Variants in RYR2 observed in about 807,000 individuals in gnomAD.
RYR2 encodes the protein ryanodine receptor 2.
In RYR2, 227 loss-of-function variants were observed where a neutral mutation model predicts 601.1. The ratio of observed to expected loss-of-function variants is 0.38; its 90% CI spans 0.34 to 0.42. The LOEUF (loss-of-function observed/expected upper bound fraction) is 0.42. Among genes scored for constraint, RYR2 ranks in the 10% least tolerant of loss-of-function variants. RYR2 has a pLI of 1.00. For synonymous variants in RYR2, 2,223 were observed against 2,175.1 expected (o/e 1.02, Z -0.61); for missense variants, 4,646 against 6,156.5 (o/e 0.75, Z 8.21).
In RYR2 at chr1:237,042,616, G is replaced by A. The variant is rs373252941; in HGVS notation, c.48+47G>A. On this transcript the variant is annotated intron_variant, in intron 1 of 104. Coordinates refer to ENST00000366574, the MANE Select transcript of RYR2 (RefSeq NM_001035.3). ...TGCTGTCAGGGGAAGGGGGCGTCAG[G>A]GCATCCACTAGCGGGGTCCGGGCAG... 8.1e-4 allele frequency: 1,008 copies of A among 1,249,790 alleles called. 4 individuals are homozygous for A. The highest frequency in any genetic ancestry group is 8.2e-4 in the Non-Finnish European group (806 of 988,078). 77.4% of individuals were successfully genotyped at this position (1,249,790 alleles called of 1,614,324 possible). A position where few individuals can be genotyped will look rare whatever the true frequency, so the allele number is the denominator to read the frequency against.
At chr1:237,617,801 A>G (rs930287448) in intron 38 of RYR2, among the ~76,000 whole-genome samples, 1 of 152,124 alleles carries the variant, frequency 6.6e-6, no homozygotes, top group Admixed American at 6.5e-5. Context: ...CACTCATAGG[A>G]ATTTTTGATT....
At position 237,657,949 on chromosome 1, in the gene RYR2, C is replaced by T; in HGVS notation, c.8135C>T (p.Thr2712Ile). Residue 2712 changes from threonine (T) to isoleucine (I), a missense_variant, in exon 54 of 105, where the codon ACA becomes ATA. This residue lies in a region of RYR2 where 1,497 missense variants were observed against 1,842.6 expected (regional missense o/e 0.81). Coordinates refer to ENST00000366574, the MANE Select transcript of RYR2 (RefSeq NM_001035.3). ...TGTCTTTACTTTTCTCATAGTATTA[C>T]AATTCCTGAGAAATTGGAATACTTC... ...NPQPVDTSNI[T>I]IPEKLEYFIN... is the part of the protein sequence containing the mutation. The T allele has an allele frequency of 6.7e-7, 1 of 1,496,002 alleles. No homozygotes were observed. The highest frequency in any genetic ancestry group is 9.0e-7 in the Non-Finnish European group (1 of 1,113,306). The allele number at this position is 1,496,002 out of a possible 1,614,324, so 92.7% of individuals were successfully genotyped here.
At chr1:237,530,040 G>A (rs796299291) in intron 24 of RYR2, among the ~76,000 whole-genome samples, 14 of 152,144 alleles carry the variant, frequency 9.2e-5, no homozygotes, top group African/African-American at 2.9e-4. Context: ...GACTGGGCGC[G>A]GTGGCTCACA....
At position 237,268,309 on chromosome 1, in the gene RYR2, T is replaced by TA. The variant is rs202023139; in HGVS notation, c.49-2186dup. Among the ~76,000 whole-genome samples the TA allele has an allele frequency of 9.8e-3, 1,498 of 152,282 alleles. 25 individuals are homozygous for TA. Among genetic ancestry groups the TA allele is most frequent in the African/African-American group, 0.032 (1,350 of 41,550 alleles). On this transcript the variant is annotated intron_variant, in intron 1 of 104. Coordinates refer to ENST00000366574, the MANE Select transcript of RYR2 (RefSeq NM_001035.3). ...ATAGTAAAAGCCTCTGGGGATTTGA[T>TA]AAGGCATTGAACACACCAGCACAAT...
At chr1:237,059,849 T>C (rs942398102) in intron 1 of RYR2, among the ~76,000 whole-genome samples, 2 of 152,208 alleles carry the variant, frequency 1.3e-5, no homozygotes, top group African/African-American at 4.8e-5. Context: ...ATGATTCCAA[T>C]ATATGTGTAT....
chr1:237,347,584 A>T (rs537547537), intron 3 of RYR2, among the ~76,000 whole-genome samples: 1 of 152,258 alleles, frequency 6.6e-6, no homozygotes, highest in Non-Finnish European at 1.5e-5. Context: ...TGGGAAGAAA[A>T]CATCTAGGCC....
intron 19 of RYR2, among the ~76,000 whole-genome samples, chr1:237,495,059 G>A (rs962792433): frequency 3.3e-5 from 5 of 152,114 alleles, no homozygotes; most frequent in Admixed American, 3.3e-4. Flanking sequence ...AAAGTGCTGG[G>A]ATTACAGGTG....
At position 237,784,797 on chromosome 1, in the gene RYR2, A is replaced by G; in HGVS notation, c.13085A>G (p.Asp4362Gly). The change falls in exon 90 of 105, where the codon GAT (aspartate) becomes GGT (glycine). Residue 4362 changes from aspartate to glycine, a missense_variant. Coordinates refer to ENST00000366574, the MANE Select transcript of RYR2 (RefSeq NM_001035.3). This position sits in a 1 kb window ranked among gnomAD's most constrained non-coding sequence, Gnocchi z 7.1. The part of the protein sequence containing the change: ...KPLEAALPSE[D>G]LTDLKELTEE... ...CTGGAAGCCGCCCTGCCCTCCGAGG[A>G]TCTGACCGACTTAAAGGAGCTGACA... 6.2e-7 allele frequency: 1 copy of G among 1,611,896 alleles called. No homozygotes were observed. The highest frequency in any genetic ancestry group is 8.5e-7 in the Non-Finnish European group (1 of 1,178,368).
At chr1:237,482,239 C>A (rs1384787171) in intron 17 of RYR2, among the ~76,000 whole-genome samples, 1 of 151,932 alleles carries the variant, frequency 6.6e-6, no homozygotes, top group Admixed American at 6.6e-5. Flanking sequence ...TTAAAATGTG[C>A]AATTAAGTTA....
chr1:237,334,099 A>T (rs1194029318), intron 3 of RYR2, among the ~76,000 whole-genome samples: 1 of 152,158 alleles, frequency 6.6e-6, no homozygotes, highest in Non-Finnish European at 1.5e-5. Flanking sequence ...TGATAAGGAA[A>T]ATTTTTCCAT....
rs189798372 is a variant in RYR2, at chr1:237,209,297, A to G, written c.49-61200A>G. Among the ~76,000 whole-genome samples, 64 of 151,998 alleles carry G rather than the reference A, an allele frequency of 4.2e-4. 2 individuals carry two copies. The highest frequency in any genetic ancestry group is 3.9e-3 in the Admixed American group (59 of 15,242). On this transcript the variant is annotated intron_variant, in intron 1 of 104. Transcript: ENST00000366574. The stretch of plus-strand genomic sequence containing the variant: ...GATTCCAAATTCAGTTTTGAAAATA[A>G]AAGCATAAAATATACATATATTTAG...
chr1:237,203,492 A>G (rs998563265), intron 1 of RYR2, among the ~76,000 whole-genome samples: 5 of 152,182 alleles, frequency 3.3e-5, no homozygotes, highest in Non-Finnish European at 5.9e-5. Context: ...GTCAAACTAA[A>G]TGAAATCTTT....
intron 39 of RYR2, among the ~76,000 whole-genome samples, chr1:237,625,322 G>A (rs1679533050): frequency 6.6e-6 from 1 of 152,064 alleles, no homozygotes; most frequent in Admixed American, 6.6e-5. Flanking sequence ...GTAAGTCTAG[G>A]CAGACAGTAT....
chr1:237,438,940 T>C (rs1268807247), intron 12 of RYR2, among the ~76,000 whole-genome samples: 3 of 152,238 alleles, frequency 2.0e-5, no homozygotes, highest in Non-Finnish European at 4.4e-5. Flanking sequence ...AGTGAATTAC[T>C]TCATCATTTT....
chr1:237,046,477 T>G (rs570997754), intron 1 of RYR2, among the ~76,000 whole-genome samples: 1 of 152,330 alleles, frequency 6.6e-6, no homozygotes, highest in Admixed American at 6.5e-5. Flanking sequence ...TTTGCTCCCT[T>G]CATAATGAAG....
rs544232570 is a variant in RYR2, at chr1:237,493,602, G to A, written c.1961+515G>A. 4.6e-5 allele frequency among the ~76,000 whole-genome samples: 7 copies of A among 151,944 alleles called. No individual in the cohort carries two copies. The South Asian group carries it at 8.3e-4, about 18-fold the overall frequency. ...CGAGTAGCTGGGACTACAGGTGCCC[G>A]CCACCACGCCTGGCTAATTTTTTGT... is the stretch of plus-strand genomic sequence containing the variant. On this transcript the variant is annotated intron_variant, in intron 19 of 104. Transcript: ENST00000366574.
chr1:237,403,791 A>G (rs1360723925), intron 10 of RYR2, among the ~76,000 whole-genome samples: 1 of 152,214 alleles, frequency 6.6e-6, no homozygotes, highest in African/African-American at 2.4e-5. Context: ...AGGAAATACC[A>G]AAAAGAGTTT....
chr1:237,344,103 G>A (rs907814836), intron 3 of RYR2, among the ~76,000 whole-genome samples: 1 of 152,068 alleles, frequency 6.6e-6, no homozygotes, highest in African/African-American at 2.4e-5. Flanking sequence ...GATTACAGGC[G>A]TGAGCCACCA....
At chr1:237,588,311 G>T (rs775549605) in intron 29 of RYR2, among the ~76,000 whole-genome samples, 6 of 152,232 alleles carry the variant, frequency 3.9e-5, no homozygotes, top group Non-Finnish European at 7.4e-5. Context: ...ATCATCTTAT[G>T]CTATTTTGGG....
Sources: gnomAD v4.1 joint callset for allele counts (sites outside exome capture counted in the v4.1 genomes callset) on GRCh38, gnomAD v4.1.1 for gene constraint, gnomAD v4.1.1 regional missense constraint, Gnocchi (gnomAD v3.1) non-coding constraint, MANE v1.5 for transcripts, NCBI Gene and HGNC (gene_info 2026-07-23, HGNC 2026-07-21) for gene names.